Variants in GUCA1C observed in about 807,000 individuals in gnomAD.
GUCA1C encodes the protein guanylyl cyclase-activating protein 3.
Under a neutral mutation model 16.2 loss-of-function variants are expected in GUCA1C, and 15 were observed. The observed-to-expected ratio is 0.93, with a 90% CI of 0.62 to 1.43. The LOEUF (loss-of-function observed/expected upper bound fraction) is 1.43. Ranked by LOEUF, GUCA1C falls within the 40% of genes most tolerant of loss-of-function variation. The pLI, the probability that GUCA1C is intolerant of heterozygous loss-of-function variation, is 0.00. For synonymous variants in GUCA1C, 78 were observed against 85.4 expected (o/e 0.91, Z 0.48); for missense variants, 275 against 244.8 (o/e 1.12, Z -0.82).
chr3:108,953,343 T>G (rs1357076168), intron 1 of GUCA1C, among the ~76,000 whole-genome samples: 2 of 152,162 alleles, frequency 1.3e-5, no homozygotes, highest in African/African-American at 4.8e-5. Context: ...GAACACTTCC[T>G]AGGGTGGGAG....
chr3:108,951,744 T>G (rs1237492563), intron 1 of GUCA1C, among the ~76,000 whole-genome samples: 1 of 152,206 alleles, frequency 6.6e-6, no homozygotes, highest in Non-Finnish European at 1.5e-5. Context: ...ATCTCTTTGA[T>G]GAATAGCAGC....
chr3:108,949,772 A>T (rs917386969), intron 1 of GUCA1C, among the ~76,000 whole-genome samples: 7 of 152,218 alleles, frequency 4.6e-5, no homozygotes, highest in Admixed American at 4.6e-4. Context: ...GTTGACAAAT[A>T]AAAATTATAT....
At chr3:108,908,419 A>G (rs1946413741) in intron 3 of GUCA1C, among the ~76,000 whole-genome samples, 1 of 151,576 alleles carries the variant, frequency 6.6e-6, no homozygotes, top group Non-Finnish European at 1.5e-5. Context: ...TAATGAAACT[A>G]TTTTTACGTT....
In GUCA1C at chr3:108,913,987, A is replaced by G. The variant is rs867226165; in HGVS notation, c.442+2140T>C. ...AGATTGAGGCAGAAGAATTGCTTGA[A>G]CCCAGGAGGCGGAGGTTGCAGTGAG... On this transcript the variant is annotated intron_variant, in intron 3 of 3. Transcript: ENST00000261047. 7.9e-5 allele frequency among the ~76,000 whole-genome samples: 12 copies of G among 151,958 alleles called. No homozygotes were observed. The Middle Eastern group carries it at 0.01, about 130-fold the overall frequency.
chr3:108,939,805 T>C (rs1946767912), intron 1 of GUCA1C, among the ~76,000 whole-genome samples: 1 of 152,158 alleles, frequency 6.6e-6, no homozygotes, highest in African/African-American at 2.4e-5. Flanking sequence ...GTGATCCTCA[T>C]GTGTGGCTAC....
chr3:108,927,714 G>C (rs1191757478), intron 1 of GUCA1C, among the ~76,000 whole-genome samples: 1 of 152,068 alleles, frequency 6.6e-6, no homozygotes, highest in African/African-American at 2.4e-5. Context: ...TCGACCTTCT[G>C]AATTCTATTT....
chr3:108,935,974 C>G (rs1460906685), intron 1 of GUCA1C, among the ~76,000 whole-genome samples: 1 of 151,992 alleles, frequency 6.6e-6, no homozygotes, highest in African/African-American at 2.4e-5. Flanking sequence ...AATTATAAGG[C>G]TTATATGAGG....
intron 1 of GUCA1C, among the ~76,000 whole-genome samples, chr3:108,933,351 A>G (rs901792483): frequency 2.7e-5 from 4 of 148,758 alleles, no homozygotes; most frequent in African/African-American, 9.8e-5. Flanking sequence ...TAACCCCAAC[A>G]TGTTTATTGA....
intron 1 of GUCA1C, among the ~76,000 whole-genome samples, chr3:108,923,263 T>C (rs767291529): frequency 1.1e-4 from 16 of 152,228 alleles, no homozygotes; most frequent in Non-Finnish European, 1.8e-4. Context: ...CTAGAAGGGT[T>C]TTTCTAGTGT....
At chr3:108,911,966 C>T (rs867460827) in intron 3 of GUCA1C, among the ~76,000 whole-genome samples, 3 of 151,670 alleles carry the variant, frequency 2.0e-5, no homozygotes, top group East Asian at 1.9e-4. Flanking sequence ...ATTAGCCGGG[C>T]GTAGTGGTGG....
At chr3:108,936,929 T>C (rs548522539) in intron 1 of GUCA1C, among the ~76,000 whole-genome samples, 1 of 152,298 alleles carries the variant, frequency 6.6e-6, no homozygotes, top group South Asian at 2.1e-4. Flanking sequence ...ATTCTCTTTT[T>C]ATCCTCCTCT....
At chr3:108,912,103 C>CAATAAT (rs144187451) in intron 3 of GUCA1C, among the ~76,000 whole-genome samples, 15 of 125,696 alleles carry the variant, frequency 1.2e-4, no homozygotes, top group Admixed American at 3.3e-4. Context: ...GACTCCGTCT[C>CAATAAT]AATAATAATA....
chr3:108,954,449 C>T (rs563451426), upstream of GUCA1C, among the ~76,000 whole-genome samples: 1 of 152,170 alleles, frequency 6.6e-6, no homozygotes, highest in Non-Finnish European at 1.5e-5. Context: ...TTCTCTCCCC[C>T]ACCCTCTGTT....
chr3:108,934,511 C>T (rs1559845756), intron 1 of GUCA1C, among the ~76,000 whole-genome samples: 1 of 152,118 alleles, frequency 6.6e-6, no homozygotes, highest in Admixed American at 6.5e-5. Context: ...AATCCCATTA[C>T]TGGGTATATA....
chr3:108,944,733 C>A (rs924406620), intron 1 of GUCA1C, among the ~76,000 whole-genome samples: 4 of 152,288 alleles, frequency 2.6e-5, no homozygotes, highest in Non-Finnish European at 4.4e-5. Context: ...AGCACAACAT[C>A]TATTATTTTA....
At chr3:108,941,538 G>A (rs920009717) in intron 1 of GUCA1C, among the ~76,000 whole-genome samples, 1 of 152,092 alleles carries the variant, frequency 6.6e-6, no homozygotes, top group Admixed American at 6.5e-5. Context: ...TCATTCCCCT[G>A]CCACCAAAAA....
At chr3:108,951,326 G>C (rs1017277769) in intron 1 of GUCA1C, among the ~76,000 whole-genome samples, 4 of 152,162 alleles carry the variant, frequency 2.6e-5, no homozygotes, top group Admixed American at 1.3e-4. Flanking sequence ...TATGTGAGAT[G>C]ATGGATGTTA....
chr3:108,934,192 G>A (rs916395431), intron 1 of GUCA1C, among the ~76,000 whole-genome samples: 3 of 152,124 alleles, frequency 2.0e-5, no homozygotes, highest in Admixed American at 1.3e-4. Context: ...TGGGTGGCAA[G>A]GGGAGGGAAA....
intron 3 of GUCA1C, among the ~76,000 whole-genome samples, chr3:108,909,230 A>G (rs1946422999): frequency 6.6e-6 from 1 of 152,222 alleles, no homozygotes; most frequent in Non-Finnish European, 1.5e-5. Flanking sequence ...TGCATTTTTT[A>G]AGAGAAAAAT....
Sources: gnomAD v4.1 joint callset for allele counts (sites outside exome capture counted in the v4.1 genomes callset) on GRCh38, gnomAD v4.1.1 for gene constraint, MANE v1.5 for transcripts, NCBI Gene and HGNC (gene_info 2026-07-23, HGNC 2026-07-21) for gene names.